The following NLGN3 variants were observed in gnomAD, a reference collection of about 807,000 sequenced individuals.
NLGN3 encodes the protein neuroligin 3, also known as neuroligin-3.
In NLGN3, 11 loss-of-function variants were observed where a neutral mutation model predicts 42.9. The ratio of observed to expected loss-of-function variants is 0.26; its 90% CI spans 0.16 to 0.42. The LOEUF is 0.42. NLGN3 is among the 10% of genes least tolerant of loss of function. The probability of loss-of-function intolerance (pLI) is 1.00; values close to 1 mark genes in which losing one functional copy is unlikely to be tolerated. For missense variants in NLGN3, 374 were observed against 733.8 expected (o/e 0.51, Z 5.67); for synonymous variants, 279 against 312.7 (o/e 0.89, Z 1.14).
In NLGN3 at chrX:71,170,412, C is replaced by T; in HGVS notation, c.*315C>T. The T allele has an allele frequency of 1.0e-6, 1 of 961,153 alleles. No individual in the cohort carries two copies. Among genetic ancestry groups the T allele is most frequent in the Non-Finnish European group, 1.3e-6 (1 of 763,452 alleles). 79.2% of individuals were successfully genotyped at this position (961,153 alleles called of 1,213,427 possible). On this transcript the variant is annotated 3_prime_UTR_variant, in exon 8 of 8. Coordinates refer to ENST00000358741, the MANE Select transcript of NLGN3 (RefSeq NM_181303.2). ...TCCCTGAATCTGACCACAGACACTC[C>T]TGGGGGGCCTGAAAGCAACAGCTGG...
In NLGN3 at chrX:71,167,777, T is replaced by C. The variant is rs943717212; in HGVS notation, c.1680T>C (p.Tyr560=). The part of the protein sequence containing the change: ...DVMLSAVVMT[Y]WTNFAKTGDP... ...TGCTCAGTGCTGTCGTCATGACCTATTGGACCAACTTTGCCAAGACTGGGT... is the reference window on the plus strand; with the variant it reads ...TGCTCAGTGCTGTCGTCATGACCTACTGGACCAACTTTGCCAAGACTGGGT... The change falls in exon 7 of 8, where the codon TAT becomes TAC. Residue 560 remains tyrosine (Y), a synonymous_variant. Coordinates refer to ENST00000358741, the MANE Select transcript of NLGN3 (RefSeq NM_181303.2). The C allele has an allele frequency of 3.3e-6, 4 of 1,209,062 alleles. No homozygotes were observed. Among genetic ancestry groups the C allele is most frequent in the Non-Finnish European group, 4.5e-6 (4 of 894,910 alleles).
intron 1 of NLGN3, among the ~76,000 whole-genome samples, chrX:71,145,757 C>G (rs770044592): frequency 1.2e-5 from 1 of 85,904 alleles, no homozygotes; most frequent in Admixed American, 1.6e-4. Context: ...GAGGGCATCC[C>G]GAAAGGGTTA....
At chrX:71,174,673 G>C (rs1460616218), downstream of NLGN3, among the ~76,000 whole-genome samples, 1 of 111,902 alleles carries the variant, frequency 8.9e-6, no homozygotes, top group African/African-American at 3.2e-5. Context: ...TTCTCTCAAT[G>C]CTTTTGGGAA....
rs2092375417 is a variant in NLGN3 at position 71,147,640 on chromosome X, C to T, written c.-110C>T. The T allele has an allele frequency of 7.5e-6, 5 of 664,793 alleles. No homozygotes were observed. The highest frequency in any genetic ancestry group is 5.3e-5 in the Admixed American group (2 of 37,824). The allele number at this position is 664,793 out of a possible 1,213,427, so 54.8% of individuals were successfully genotyped here. On this transcript the variant is annotated 5_prime_UTR_variant, in exon 2 of 8. Transcript: ENST00000358741. ...TTGCTGGGCACCTGTAGGTGTCCCT[C>T]GAGAGCTCAGTTTTGAGGTTCAAGT... is the stretch of plus-strand genomic sequence containing the variant.
chrX:71,152,964 G>T (rs2092396346), intron 3 of NLGN3, among the ~76,000 whole-genome samples: 1 of 111,829 alleles, frequency 8.9e-6, no homozygotes, highest in African/African-American at 3.2e-5. Context: ...TGCCCACTGG[G>T]CCCCAGGAGC....
At chrX:71,149,717 G>A (rs1206398223) in intron 3 of NLGN3, among the ~76,000 whole-genome samples, 1 of 111,154 alleles carries the variant, frequency 9.0e-6, no homozygotes, top group Admixed American at 9.6e-5. Context: ...GGCCCCTGTC[G>A]CTGGTCTGTG....
At chrX:71,161,890 T>G (rs1055626064) in intron 5 of NLGN3, among the ~76,000 whole-genome samples, 49 of 113,387 alleles carry the variant, frequency 4.3e-4, no homozygotes, top group Admixed American at 2.8e-3. Flanking sequence ...AAATGCAGGC[T>G]TTGCCTGCTG....
chrX:71,162,241 G>A (rs1312712209), intron 5 of NLGN3, among the ~76,000 whole-genome samples: 1 of 110,540 alleles, frequency 9.0e-6, no homozygotes, highest in Admixed American at 9.6e-5. Flanking sequence ...TCCAGCCCCA[G>A]CCTCCTGAGT....
At chrX:71,174,967 A>G (rs2092475755), downstream of NLGN3, among the ~76,000 whole-genome samples, 1 of 112,161 alleles carries the variant, frequency 8.9e-6, no homozygotes, top group African/African-American at 3.2e-5. Flanking sequence ...TACTAAGAGT[A>G]CAACTTTCAG....
intron 3 of NLGN3, among the ~76,000 whole-genome samples, chrX:71,152,362 TC>T (rs2092394168): frequency 9.1e-6 from 1 of 109,781 alleles, no homozygotes; most frequent in South Asian, 3.9e-4. Context: ...GCCCCTTCTC[TC>T]CCCCTACATG....
intron 7 of NLGN3, 118 bp downstream of exon 7, chrX:71,167,918 G>T: frequency 1.5e-6 from 1 of 654,735 alleles, no homozygotes; most frequent in Middle Eastern, 3.7e-4. Flanking sequence ...AATCTTGCTT[G>T]GTACCCCTTC....
chrX:71,148,882 A>G lies in NLGN3; in HGVS notation c.494A>G (p.Asn165Ser). ...TCCAAGGAATGCGCCCGAAAGCCCA[A>G]CAAGAAAATTTGTAGGAAAGGAGGT... Reference protein sequence around the residue: ...RISKECARKPNKKICRKGGSG... With the variant: ...RISKECARKPSKKICRKGGSG... The change falls in exon 3 of 8, where the codon AAC (asparagine) becomes AGC (serine). Residue 165 changes from asparagine to serine, a missense_variant. This residue lies in a region of NLGN3 where 109 missense variants were observed against 173.3 expected (regional missense o/e 0.63). Transcript: ENST00000358741. The G allele has an allele frequency of 8.8e-7, 1 of 1,131,868 alleles. No homozygotes were observed. The highest frequency in any genetic ancestry group is 1.2e-6 in the Non-Finnish European group (1 of 854,384). The allele number at this position is 1,131,868 out of a possible 1,213,427, so 93.3% of individuals were successfully genotyped here. A position where few individuals can be genotyped will look rare whatever the true frequency, so the allele number is the denominator to read the frequency against.
chrX:71,149,537 T>C (rs935809096), intron 3 of NLGN3, among the ~76,000 whole-genome samples: 8 of 112,053 alleles, frequency 7.1e-5, no homozygotes, highest in Non-Finnish European at 3.8e-5. Context: ...TTTCTCCCCC[T>C]GTATAATAAT....
rs1457577790 is a variant in NLGN3 at position 71,144,945 on chromosome X, T to C, written c.-220T>C. ...TGGTCCGTGGCCCGGTTCAGTCGCT[T>C]GCAGCAGCCCGGGGAACAGGTGAGG... On this transcript the variant is annotated 5_prime_UTR_variant, in exon 1 of 8. Transcript: ENST00000358741. The C allele has an allele frequency of 9.0e-6, 1 of 110,984 alleles. No homozygotes were observed. Among genetic ancestry groups the C allele is most frequent in the South Asian group, 3.8e-4 (1 of 2,638 alleles). 9.1% of individuals were successfully genotyped at this position (110,984 alleles called of 1,213,427 possible).
rs1275981556 is a variant in NLGN3 at position 71,169,485 on chromosome X, C to T, written c.1935C>T (p.Thr645=). ...TGTTCCACTATACGTCCACCACCAC[C>T]AAAGTGCCGCCTCCGGATACCACCC... ...HDMFHYTSTT[T]KVPPPDTTHS... The change falls in exon 8 of 8, where the codon ACC becomes ACT. Residue 645 remains threonine, a synonymous_variant. Coordinates refer to ENST00000358741, the MANE Select transcript of NLGN3 (RefSeq NM_181303.2). 8.3e-7 allele frequency: 1 copy of T among 1,210,199 alleles called. No individual in the cohort carries two copies. The highest frequency in any genetic ancestry group is 1.7e-5 in the African/African-American group (1 of 57,186).
intron 2 of NLGN3, 101 bp downstream of exon 2, chrX:71,148,307 T>G: frequency 1.5e-6 from 1 of 679,095 alleles, no homozygotes; most frequent in South Asian, 2.2e-5. Flanking sequence ...TGCATCTGTC[T>G]GTCTGTGAAA....
intron 5 of NLGN3, among the ~76,000 whole-genome samples, chrX:71,163,509 C>T (rs1470712120): frequency 9.0e-6 from 1 of 110,684 alleles, no homozygotes. Context: ...GCAAGGAGAG[C>T]TTAGGGATTG....
chrX:71,154,289 C>T (rs773743140), intron 4 of NLGN3, among the ~76,000 whole-genome samples: 3 of 113,375 alleles, frequency 2.6e-5, no homozygotes, highest in East Asian at 2.8e-4. Context: ...CCCTCTGCCC[C>T]GAAGGGGCCA....
chrX:71,153,824 G>T (rs1275716602), intron 4 of NLGN3, among the ~76,000 whole-genome samples: 1 of 112,198 alleles, frequency 8.9e-6, no homozygotes, highest in Non-Finnish European at 1.9e-5. Flanking sequence ...AGAGGCACCT[G>T]CCCCTACTGA....
Sources: allele counts gnomAD v4.1 joint callset (sites outside exome capture counted in the v4.1 genomes callset), GRCh38; gene constraint gnomAD v4.1.1; regional missense constraint gnomAD v4.1.1; transcripts MANE v1.5; gene names NCBI Gene and HGNC (gene_info 2026-07-23, HGNC 2026-07-21).